The following GLUD1 variants were observed in gnomAD, a reference collection of about 807,000 sequenced individuals.
The protein encoded by GLUD1 is glutamate dehydrogenase 1.
A neutral mutation model predicts 56.0 loss-of-function variants in GLUD1; 22 were observed. The ratio of observed to expected loss-of-function variants is 0.39; its 90% CI spans 0.28 to 0.56. GLUD1 has a LOEUF of 0.56. GLUD1 is among the 20% of genes least tolerant of loss of function. The pLI is 0.58. For synonymous variants in GLUD1, 223 were observed against 269.9 expected (o/e 0.83, Z 1.70); for missense variants, 451 against 732.0 (o/e 0.62, Z 4.43).
In GLUD1 at chr10:87,065,652, C is replaced by G. The variant is rs550688814; in HGVS notation, c.741+2411G>C. On this transcript the variant is annotated intron_variant, in intron 5 of 12. Coordinates refer to ENST00000277865, the MANE Select transcript of GLUD1 (RefSeq NM_005271.5). ...CTTTTGGGAAGGGCAGTTGAAACCA[C>G]AATTATTTGAAGGGTCTATATCGTT... Among the ~76,000 whole-genome samples the G allele has an allele frequency of 1.9e-4, 29 of 152,152 alleles. No homozygotes were observed. The East Asian group carries it at 5.4e-3, about 28-fold the overall frequency.
At chr10:87,052,669 CAAAAA>C (rs751155208) in intron 12 of GLUD1, among the ~76,000 whole-genome samples, 13 of 41,746 alleles carry the variant, frequency 3.1e-4, no homozygotes, top group African/African-American at 4.8e-4. Flanking sequence ...AACTCCGTCT[CAAAAA>C]AAAAAAAAAA....
intron 1 of GLUD1, among the ~76,000 whole-genome samples, chr10:87,093,598 T>G (rs962053528): frequency 5.9e-5 from 9 of 152,234 alleles, no homozygotes; most frequent in Non-Finnish European, 1.5e-5. Flanking sequence ...CAGAGCTATT[T>G]CATTCCATTG....
Position 87,094,305 on chromosome 10 carries a change from G to A in GLUD1, c.445+20C>T. The A allele has an allele frequency of 6.3e-7, 1 of 1,588,310 alleles. No homozygotes were observed. Among genetic ancestry groups the A allele is most frequent in the Non-Finnish European group, 8.6e-7 (1 of 1,168,690 alleles). On this transcript the variant is annotated intron_variant, in intron 1 of 12. Coordinates refer to ENST00000277865, the MANE Select transcript of GLUD1 (RefSeq NM_005271.5). This position sits in a 1 kb window ranked among gnomAD's most constrained non-coding sequence, Gnocchi z 6.6. ...GCAGGGGAGGCAGGGAGGGCGGGACGGGGCCCGGCCGACGCTCACCTCCCT... is the reference window on the plus strand; with the variant it reads ...GCAGGGGAGGCAGGGAGGGCGGGACAGGGCCCGGCCGACGCTCACCTCCCT...
intron 1 of GLUD1, among the ~76,000 whole-genome samples, chr10:87,091,983 T>TA (rs1841520828): frequency 6.6e-6 from 1 of 151,990 alleles, no homozygotes; most frequent in African/African-American, 2.4e-5. Context: ...CCAAAGCATT[T>TA]AAAAAAATCT....
chr10:87,053,573 T>C (rs1345258280), intron 11 of GLUD1, among the ~76,000 whole-genome samples, 169 bp from the exon 12 acceptor site: 1 of 152,204 alleles, frequency 6.6e-6, no homozygotes, highest in Non-Finnish European at 1.5e-5. Context: ...ATCTTGATAC[T>C]TACTGAAGCA....
intron 1 of GLUD1, among the ~76,000 whole-genome samples, chr10:87,083,411 G>A (rs1340828772): frequency 6.6e-6 from 1 of 152,096 alleles, no homozygotes; most frequent in Non-Finnish European, 1.5e-5. Context: ...TACTCAATTT[G>A]AAGTTGTTCA....
rs1845602630 is a variant in GLUD1 at position 87,050,448 on chromosome 10, A to T, written c.*1303T>A. ...GCAGTATTATAACTTATGAAAAGAG[A>T]AACTACCACATGTAAAAACACAGAA... On this transcript the variant is annotated 3_prime_UTR_variant, in exon 13 of 13. Transcript: ENST00000277865. 6.6e-6 allele frequency: 1 copy of T among 152,146 alleles called. No homozygotes were observed. Among genetic ancestry groups the T allele is most frequent in the Non-Finnish European group, 1.5e-5 (1 of 68,028 alleles). The allele number at this position is 152,146 out of a possible 1,614,324, so 9.4% of individuals were successfully genotyped here.
intron 4 of GLUD1, among the ~76,000 whole-genome samples, chr10:87,072,613 A>C (rs1231462725): frequency 6.6e-6 from 1 of 152,258 alleles, no homozygotes; most frequent in African/African-American, 2.4e-5. Flanking sequence ...CATTAAGCAA[A>C]TAAATCAAAT....
intron 3 of GLUD1, 144 bp downstream of exon 3, chr10:87,075,824 G>C: frequency 1.4e-6 from 1 of 695,534 alleles, no homozygotes; most frequent in Non-Finnish European, 2.6e-6. Flanking sequence ...GGATCAAGGA[G>C]AACTGCTTGA....
Position 87,076,618 on chromosome 10 carries a change from T to C in GLUD1, c.484A>G (p.Lys162Glu). 6.2e-7 allele frequency: 1 copy of C among 1,609,990 alleles called. No homozygotes were observed. Among genetic ancestry groups the C allele is most frequent in the Non-Finnish European group, 8.5e-7 (1 of 1,176,286 alleles). Residue 162 changes from lysine to glutamate, a missense_variant, in exon 2 of 13, where the codon AAA (lysine) becomes GAA (glutamate). By Grantham distance (56) the Lys-to-Glu change is moderately conservative. Transcript: ENST00000277865. ...YSTDVSVDEVKALASLMTYKC... is the reference protein window; with the variant it reads ...YSTDVSVDEVEALASLMTYKC... ...TATGTCATCAGAGAAGCCAAAGCTT[T>C]TACTTCATCTACACTCACATCAGTG... is the stretch of plus-strand genomic sequence containing the variant.
chr10:87,057,242 C>A (rs1156942915), intron 11 of GLUD1, among the ~76,000 whole-genome samples: 1 of 152,200 alleles, frequency 6.6e-6, no homozygotes, highest in Non-Finnish European at 1.5e-5. Flanking sequence ...CCGCCTTGAC[C>A]TCCCAAAGTG....
In GLUD1 at chr10:87,050,511, A is replaced by C. The variant is rs1845604669; in HGVS notation, c.*1240T>G. On this transcript the variant is annotated 3_prime_UTR_variant, in exon 13 of 13. Transcript: ENST00000277865. ...TTTTGGAAAACGTAGACTTTTAATA[A>C]CTGCTTTTATCACCAGGTTAAGCCA... The C allele has an allele frequency of 1.3e-5, 2 of 152,088 alleles. No individual in the cohort carries two copies. The highest frequency in any genetic ancestry group is 2.9e-5 in the Non-Finnish European group (2 of 68,014). The allele number at this position is 152,088 out of a possible 1,614,324, so 9.4% of individuals were successfully genotyped here.
At chr10:87,090,749 G>A (rs2133860965) in intron 1 of GLUD1, among the ~76,000 whole-genome samples, 1 of 152,310 alleles carries the variant, frequency 6.6e-6, no homozygotes, top group Middle Eastern at 3.4e-3. Flanking sequence ...ATCTGTGGCA[G>A]CAGATGCAGA....
Position 87,059,202 on chromosome 10 carries a change from G to A in GLUD1, c.1350C>T (p.Ser450=), listed in dbSNP as rs1031986279. 2.9e-5 allele frequency: 46 copies of A among 1,613,750 alleles called. No homozygotes were observed. The highest frequency in any genetic ancestry group is 3.8e-5 in the Non-Finnish European group (45 of 1,179,956). ...FEWLKNLNHV[S]YGRLTFKYER... ...CATATTTGAAGGTCAAACGGCCATA[G>A]CTGACATGATTTAGATTCTTCAGCC... The change falls in exon 10 of 13, where the codon AGC becomes AGT. Residue 450 remains serine, a synonymous_variant. Coordinates refer to ENST00000277865, the MANE Select transcript of GLUD1 (RefSeq NM_005271.5).
intron 6 of GLUD1, among the ~76,000 whole-genome samples, chr10:87,061,764 C>T (rs898050553): frequency 1.3e-5 from 2 of 150,832 alleles, no homozygotes; most frequent in African/African-American, 4.9e-5. Flanking sequence ...TTACAGGTGC[C>T]GCCATCATGC....
chr10:87,056,029 T>G (rs1000796347), intron 11 of GLUD1, among the ~76,000 whole-genome samples: 1 of 146,382 alleles, frequency 6.8e-6, no homozygotes, highest in Non-Finnish European at 1.5e-5. Flanking sequence ...GGCAGGAGAA[T>G]TGCTTGAACC....
At chr10:87,089,683 G>T in intron 1 of GLUD1, 1 of 981,082 alleles carries the variant, frequency 1.0e-6, no homozygotes, top group Non-Finnish European at 1.2e-6. Context: ...CTCCTAGTTT[G>T]TCTTCTTGTC....
At chr10:87,069,298 C>T (rs1328994554) in intron 4 of GLUD1, among the ~76,000 whole-genome samples, 2 of 151,984 alleles carry the variant, frequency 1.3e-5, no homozygotes, top group Non-Finnish European at 2.9e-5. Context: ...GGGCGGATCA[C>T]GAGGTCAGGA....
rs781638449 is a variant in GLUD1, at chr10:87,074,603, C to T, written c.594G>A (p.Leu198=). The change falls in exon 4 of 13, where the codon TTG becomes TTA. Residue 198 remains leucine, a synonymous_variant. Coordinates refer to ENST00000277865, the MANE Select transcript of GLUD1 (RefSeq NM_005271.5). The part of the protein sequence containing the change: ...INPKNYTDNE[L]EKITRRFTME... ...TGGTGAACCTCCTTGTGATCTTTTC[C>T]AATTCATTATCCTGTAAAATAAGAA... is the stretch of plus-strand genomic sequence containing the variant. 2 of 1,573,586 alleles carry T rather than the reference C, an allele frequency of 1.3e-6. No homozygotes were observed. Among genetic ancestry groups the T allele is most frequent in the Non-Finnish European group, 1.7e-6 (2 of 1,143,430 alleles).
Sources: allele counts gnomAD v4.1 joint callset (sites outside exome capture counted in the v4.1 genomes callset), GRCh38; gene constraint gnomAD v4.1.1; non-coding constraint Gnocchi (gnomAD v3.1); transcripts MANE v1.5; gene names NCBI Gene and HGNC (gene_info 2026-07-23, HGNC 2026-07-21).